The following ATR variants were observed in gnomAD, a reference collection of about 807,000 sequenced individuals.
ATR encodes the protein ATR checkpoint kinase.
Under a neutral mutation model 305.3 loss-of-function variants are expected in ATR, and 142 were observed. That is an observed-to-expected ratio of 0.47 (90% CI 0.41 to 0.53). The LOEUF is 0.53. Ranked by LOEUF, ATR falls within the 20% of genes least tolerant of loss-of-function variation. The probability of loss-of-function intolerance (pLI) is 0.00; values close to 1 mark genes in which losing one functional copy is unlikely to be tolerated. For missense variants in ATR, 2,135 were observed against 3,133.1 expected (o/e 0.68, Z 7.60); for synonymous variants, 1,050 against 1,068.1 (o/e 0.98, Z 0.33).
chr3:142,544,452 CAAAAAAAAAAA>C lies in ATR; in HGVS notation c.3358-1706_3358-1696del, dbSNP rs57120276. On this transcript the variant is annotated intron_variant, in intron 16 of 46. Coordinates refer to ENST00000350721, the MANE Select transcript of ATR (RefSeq NM_001184.4). Reference sequence around the variant, plus strand: ...GGGTGACAGAGCAAAATCCTGCCTCCAAAAAAAAAAAAAAAAAAAAAAAAAAAAGATACCAT... The same window carrying C: ...GGGTGACAGAGCAAAATCCTGCCTCCAAAAAAAAAAAAAAAAAGATACCAT... Among the ~76,000 whole-genome samples, 100 of 18,976 alleles carry C rather than the reference CAAAAAAAAAAA, an allele frequency of 5.3e-3. 2 individuals carry two copies. The highest frequency in any genetic ancestry group is 8.4e-3 in the African/African-American group (52 of 6,214). The allele number at this position is 18,976 out of a possible 152,430, so 12.4% of individuals were successfully genotyped here. A position where few individuals can be genotyped will look rare whatever the true frequency, so the allele number is the denominator to read the frequency against.
In ATR at chr3:142,459,379, C is replaced by T. The variant is rs2108262074; in HGVS notation, c.7197G>A (p.Val2399=). ...GGCGAAGTTCTTTTCCTGTCATATA[C>T]ACTCCTGCAAGGAAGAGTGATATCC... ...ILTKLYKEKG[V]YMTGKELRQC... The change falls in exon 43 of 47, where the codon GTG becomes GTA. Residue 2399 remains valine (V), a synonymous_variant. Coordinates refer to ENST00000350721, the MANE Select transcript of ATR (RefSeq NM_001184.4). 1.2e-6 allele frequency: 2 copies of T among 1,613,788 alleles called. No individual in the cohort carries two copies. The highest frequency in any genetic ancestry group is 1.7e-5 in the Admixed American group (1 of 60,002).
intron 32 of ATR, 150 bp downstream of exon 32, chr3:142,498,447 G>A (rs1577575405): frequency 1.4e-6 from 1 of 700,164 alleles, no homozygotes; most frequent in African/African-American, 1.8e-5. Context: ...TAACTGTAGG[G>A]TGATTGTGAG....
Position 142,578,707 on chromosome 3 carries a change from T to A in ATR, c.-3A>T, listed in dbSNP as rs754399363. ...AGCTCCAGGCCATGTTCCCCCATGC[T>A]GAGGCTGCGAGGCACTAGTCAACCA... On this transcript the variant is annotated 5_prime_UTR_variant, in exon 1 of 47. Transcript: ENST00000350721. 2 of 1,612,882 alleles carry A rather than the reference T, an allele frequency of 1.2e-6. No homozygotes were observed. Among genetic ancestry groups the A allele is most frequent in the Non-Finnish European group, 1.7e-6 (2 of 1,179,706 alleles).
chr3:142,510,115 G>GAAAAAA (rs397760180), intron 27 of ATR, among the ~76,000 whole-genome samples: 1 of 95,292 alleles, frequency 1.0e-5, no homozygotes. Context: ...GACTGTCTCA[G>GAAAAAA]AAAAAAAAAA....
intron 31 of ATR, 114 bp from the exon 32 acceptor site, chr3:142,498,888 T>C: frequency 2.0e-6 from 2 of 981,974 alleles, no homozygotes; most frequent in East Asian, 2.7e-5. Flanking sequence ...TTCATTCCTT[T>C]TTTTTTTTTT....
rs150281853 is a variant in ATR at position 142,522,936 on chromosome 3, G to A, written c.4153-95C>T. 2.4e-3 allele frequency: 2,232 copies of A among 925,900 alleles called. 32 individuals carry two copies. The African/African-American group carries it at 0.031, about 13-fold the overall frequency. 57.4% of individuals were successfully genotyped at this position (925,900 alleles called of 1,614,324 possible). A position where few individuals can be genotyped will look rare whatever the true frequency, so the allele number is the denominator to read the frequency against. On this transcript the variant is annotated intron_variant, in intron 22 of 46. Transcript: ENST00000350721. ...TCCATGGTGAATTTAACTTAACTGC[G>A]TAAGTGAATTTAACTTAGACAAAGG...
intron 45 of ATR, among the ~76,000 whole-genome samples, chr3:142,455,540 G>A (rs533670128): frequency 6.6e-6 from 1 of 152,280 alleles, no homozygotes; most frequent in Middle Eastern, 3.4e-3. Flanking sequence ...TCAAAACACT[G>A]TGTTGTTAGC....
intron 35 of ATR, among the ~76,000 whole-genome samples, chr3:142,490,666 T>C (rs1327817941): frequency 2.0e-5 from 3 of 152,216 alleles, no homozygotes; most frequent in Admixed American, 6.5e-5. Flanking sequence ...ATCTACTTTT[T>C]TGAAGCAATT....
chr3:142,536,223 A>C, intron 19 of ATR, 22 bp from the exon 20 acceptor site: 4 of 1,492,536 alleles, frequency 2.7e-6, no homozygotes, highest in Non-Finnish European at 2.8e-6. Context: ...TTGGAATAAA[A>C]AGAATTATTT....
At chr3:142,577,788 G>C (rs747012068) in intron 1 of ATR, among the ~76,000 whole-genome samples, 1 of 152,202 alleles carries the variant, frequency 6.6e-6, no homozygotes, top group Non-Finnish European at 1.5e-5. Context: ...CTTGTTCGCA[G>C]TAGTGTAGAA....
chr3:142,449,631 C>T (rs1430190820), intron 46 of ATR, 29 bp from the exon 47 acceptor site: 1 of 1,606,508 alleles, frequency 6.2e-7, no homozygotes, highest in Non-Finnish European at 8.5e-7. Context: ...AAACCAAAAA[C>T]AGATGTTAAT....
At chr3:142,476,563 A>T (rs563770211) in intron 36 of ATR, among the ~76,000 whole-genome samples, 180 of 152,194 alleles carry the variant, frequency 1.2e-3, no homozygotes, top group Non-Finnish European at 2.2e-3. Context: ...CTTAGGATTG[A>T]CTTGGCAATG....
intron 23 of ATR, 97 bp from the exon 24 acceptor site, chr3:142,519,881 C>G (rs1344830402): frequency 5.3e-6 from 5 of 937,070 alleles, no homozygotes; most frequent in Non-Finnish European, 8.8e-6. Context: ...AAAATACAGC[C>G]ATAACTCATT....
intron 1 of ATR, among the ~76,000 whole-genome samples, chr3:142,576,790 A>G (rs761248893): frequency 1.3e-5 from 2 of 152,226 alleles, no homozygotes; most frequent in African/African-American, 2.4e-5. Context: ...AGGAGAGTGG[A>G]AAGGTCATTT....
At chr3:142,545,135 G>A (rs2034217304) in intron 16 of ATR, among the ~76,000 whole-genome samples, 1 of 151,938 alleles carries the variant, frequency 6.6e-6, no homozygotes. Flanking sequence ...ATCCTATACT[G>A]GGTACAGGTG....
intron 2 of ATR, among the ~76,000 whole-genome samples, chr3:142,567,553 A>G (rs959977328): frequency 6.6e-6 from 1 of 152,224 alleles, no homozygotes; most frequent in Non-Finnish European, 1.5e-5. Flanking sequence ...TTCAACAGAT[A>G]TGACAAATGT....
intron 42 of ATR, 28 bp downstream of exon 42, chr3:142,461,912 G>A (rs780262535): frequency 6.2e-7 from 1 of 1,600,782 alleles, no homozygotes; most frequent in East Asian, 2.2e-5. Flanking sequence ...TACCCACACT[G>A]TATATGTATA....
At chr3:142,470,673 T>C (rs545723019) in intron 36 of ATR, among the ~76,000 whole-genome samples, 1 of 152,130 alleles carries the variant, frequency 6.6e-6, no homozygotes, top group Non-Finnish European at 1.5e-5. Flanking sequence ...AATCAATACC[T>C]ACATATTAAA....
intron 36 of ATR, among the ~76,000 whole-genome samples, chr3:142,480,340 G>T (rs991003117): frequency 1.3e-5 from 2 of 152,200 alleles, no homozygotes; most frequent in South Asian, 2.1e-4. Context: ...GTTGGAGTTT[G>T]CTGGAGATCC....
Sources: gnomAD v4.1 joint callset for allele counts (sites outside exome capture counted in the v4.1 genomes callset) on GRCh38, gnomAD v4.1.1 for gene constraint, MANE v1.5 for transcripts, NCBI Gene and HGNC (gene_info 2026-07-23, HGNC 2026-07-21) for gene names.